The following MYH9 variants were observed in gnomAD, a reference collection of about 807,000 sequenced individuals.
The protein encoded by MYH9 is myosin-9.
Under a neutral mutation model 241.9 loss-of-function variants are expected in MYH9, and 29 were observed. The observed-to-expected ratio is 0.12, with a 90% confidence interval of 0.09 to 0.16. MYH9 has a LOEUF of 0.16. Among genes scored for constraint, MYH9 ranks in the 10% least tolerant of loss-of-function variants. The probability of loss-of-function intolerance (pLI) is 1.00; values close to 1 mark genes in which losing one functional copy is unlikely to be tolerated. For missense variants in MYH9, 1,803 were observed against 2,595.5 expected (o/e 0.69, Z 6.63); for synonymous variants, 1,047 against 1,062.6 (o/e 0.99, Z 0.29).
chr22:36,313,030 CA>C (rs1214321434), intron 13 of MYH9, among the ~76,000 whole-genome samples: 6 of 150,570 alleles, frequency 4.0e-5, no homozygotes, highest in African/African-American at 1.5e-4. Context: ...GCAAAGGTTG[CA>C]GTGAGCCGAG....
In MYH9 at chr22:36,295,621, C is replaced by T; in HGVS notation, c.3369G>A (p.Glu1123=). Residue 1123 remains glutamate (E), a synonymous_variant, in exon 26 of 41, where the codon GAG becomes GAA. Transcript: ENST00000216181. The surrounding 1 kb of genome is among the most constrained non-coding windows in gnomAD (Gnocchi z 4.1). The part of the protein sequence containing the change: ...ISELQEDLES[E]RASRNKAEKQ... ...TCTCAGCTTTATTCCTGGAAGCACG[C>T]TCAGACTCCAGGTCTTCCTGGAGTT... 6.2e-7 allele frequency: 1 copy of T among 1,614,022 alleles called. No homozygotes were observed. The highest frequency in any genetic ancestry group is 1.1e-5 in the South Asian group (1 of 91,072).
Position 36,285,880 on chromosome 22 carries a change from T to C in MYH9, c.5135A>G (p.Asn1712Ser), listed in dbSNP as rs985388904. The change falls in exon 36 of 41, where the codon AAC becomes AGC. Residue 1712 changes from asparagine to serine, a missense_variant. Coordinates refer to ENST00000216181, the MANE Select transcript of MYH9 (RefSeq NM_002473.6). The surrounding 1 kb of genome is among the most constrained non-coding windows in gnomAD (Gnocchi z 7.0). Reference sequence around the variant, plus strand: ...CTCAGCTCACCCTTTGCCGCTGCTGTTGGCGATCTCGTCAGCCAGCTCATC... The same window carrying C: ...CTCAGCTCACCCTTTGCCGCTGCTGCTGGCGATCTCGTCAGCCAGCTCATC... ...ERDELADEIA[N>S]SSGKGALALE... 3.1e-6 allele frequency: 5 copies of C among 1,612,732 alleles called. No homozygotes were observed. The African/African-American group carries it at 4.0e-5, about 13-fold the overall frequency.
At chr22:36,385,494 C>A (rs901504515) in intron 1 of MYH9, among the ~76,000 whole-genome samples, 4 of 152,156 alleles carry the variant, frequency 2.6e-5, no homozygotes, top group Non-Finnish European at 5.9e-5. Flanking sequence ...AAAAGGCAGG[C>A]TGTGATTAAC....
intron 3 of MYH9, among the ~76,000 whole-genome samples, chr22:36,332,636 T>A (rs1442560900): frequency 2.3e-5 from 2 of 85,598 alleles, no homozygotes. Flanking sequence ...TGGGTAGCCC[T>A]CCCCCTCCAG....
Position 36,294,251 on chromosome 22 carries a change from C to A in MYH9, c.3678G>T (p.Arg1226=), listed in dbSNP as rs1209281171. Residue 1226 remains arginine, a synonymous_variant, in exon 28 of 41, where the codon CGG becomes CGT. Coordinates refer to ENST00000216181, the MANE Select transcript of MYH9 (RefSeq NM_002473.6). ...EKAKQTLENE[R]GELANEVKVL... ...CCTTCACCTCGTTGGCCAGCTCCCC[C>A]CGCTCGTTCTCCAGAGTCTGCTTTG... The A allele has an allele frequency of 2.5e-6, 4 of 1,614,164 alleles. No individual in the cohort carries two copies. The highest frequency in any genetic ancestry group is 3.4e-6 in the Non-Finnish European group (4 of 1,180,044).
At chr22:36,332,661 T>TAAAAAAAA (rs67602880) in intron 3 of MYH9, among the ~76,000 whole-genome samples, 12 of 44,504 alleles carry the variant, frequency 2.7e-4, no homozygotes, top group African/African-American at 8.9e-4. Flanking sequence ...TCTGGATAAT[T>TAAAAAAAA]AAAAAAAAAA....
intron 15 of MYH9, among the ~76,000 whole-genome samples, chr22:36,307,908 G>A (rs1171102993): frequency 3.3e-5 from 5 of 151,646 alleles, no homozygotes; most frequent in Admixed American, 1.3e-4. Context: ...AAAAAAGGGA[G>A]TCATCTTTGA....
Position 36,320,659 on chromosome 22 carries a change from GA to G in MYH9, c.868+138del. On this transcript the variant is annotated intron_variant, in intron 8 of 40. Transcript: ENST00000216181. The surrounding 1 kb of genome is among the most constrained non-coding windows in gnomAD (Gnocchi z 4.8). ...GACCAAGTCCTTAGGATGGCGCAGA[GA>G]ACAGGAGTCACTCTCACTTCTCCCC... 1 of 777,668 alleles carries G rather than the reference GA, an allele frequency of 1.3e-6. No homozygotes were observed. Among genetic ancestry groups the G allele is most frequent in the Non-Finnish European group, 2.2e-6 (1 of 459,148 alleles). 48.2% of individuals were successfully genotyped at this position (777,668 alleles called of 1,614,324 possible). A position where few individuals can be genotyped will look rare whatever the true frequency, so the allele number is the denominator to read the frequency against.
At chr22:36,365,271 G>A (rs1174333334) in intron 1 of MYH9, among the ~76,000 whole-genome samples, 1 of 152,108 alleles carries the variant, frequency 6.6e-6, no homozygotes, top group Non-Finnish European at 1.5e-5. Context: ...CAGGAAGGTA[G>A]CTCATTTCCC....
In MYH9 at chr22:36,330,512, C is replaced by A. The variant is rs551129894; in HGVS notation, c.491-3024G>T. ...ATTGTTTTGCCATCTTTCCACACAG[C>A]GGTTCTTCTGGATTTGTTCCTGATC... On this transcript the variant is annotated intron_variant, in intron 3 of 40. Coordinates refer to ENST00000216181, the MANE Select transcript of MYH9 (RefSeq NM_002473.6). This position sits in a 1 kb window ranked among gnomAD's most constrained non-coding sequence, Gnocchi z 4.5. 1.2e-4 allele frequency among the ~76,000 whole-genome samples: 18 copies of A among 152,258 alleles called. No individual in the cohort carries two copies. Among genetic ancestry groups the A allele is most frequent in the Admixed American group, 6.5e-4 (10 of 15,284 alleles).
Position 36,294,887 on chromosome 22 carries a change from C to T in MYH9, c.3630+45G>A, listed in dbSNP as rs376877395. 402 of 1,604,668 alleles carry T rather than the reference C, an allele frequency of 2.5e-4. 2 individuals carry two copies. In the South Asian group the frequency reaches 3.1e-3, roughly 12 times the overall value. ...TGGTTTGGATTCTGTGGGCCCAGCA[C>T]GGGGAACCCTGCCCTCCCCCTGCGG... On this transcript the variant is annotated intron_variant, in intron 27 of 40. Transcript: ENST00000216181.
chr22:36,308,741 G>GAAGCATTTCTTGCAC, intron 15 of MYH9: 1 of 893,816 alleles, frequency 1.1e-6, no homozygotes, highest in Non-Finnish European at 1.3e-6. Flanking sequence ...AACCTAGGCA[G>GAAGCATTTCTTGCAC]AAGCATTTCT....
chr22:36,292,219 T>C lies in MYH9; in HGVS notation c.4111A>G (p.Lys1371Glu), dbSNP rs770377517. 1 of 1,613,948 alleles carries C rather than the reference T, an allele frequency of 6.2e-7. No individual in the cohort carries two copies. Among genetic ancestry groups the C allele is most frequent in the South Asian group, 1.1e-5 (1 of 91,084 alleles). The change falls in exon 31 of 41, where the codon AAG becomes GAG. Residue 1371 changes from lysine (K) to glutamate (E), a missense_variant. This residue lies in a region of MYH9 where 876 missense variants were observed against 1,077.8 expected (regional missense o/e 0.81). Transcript: ENST00000216181. ...TLHAQVADMK[K>E]KMEDSVGCLE... The stretch of plus-strand genomic sequence containing the variant: ...CACCCCACACTGTCCTCCATCTTCT[T>C]TTTCATGTCGGCCACCTGGGCAGGA...
intron 2 of MYH9, among the ~76,000 whole-genome samples, chr22:36,342,622 T>C (rs1291967398): frequency 6.6e-6 from 1 of 151,554 alleles, no homozygotes; most frequent in Non-Finnish European, 1.5e-5. Context: ...CAAGATCCCT[T>C]TCCCCCACCA....
At position 36,289,096 on chromosome 22, in the gene MYH9, C is replaced by T. The variant is rs727503284; in HGVS notation, c.4546G>A (p.Val1516Met). The change falls in exon 32 of 41, where the codon GTG becomes ATG. Residue 1516 changes from valine (V) to methionine (M), a missense_variant. Transcript: ENST00000216181. ...GGCCCAGGACTCACACTCTTGCCCA[C>T]ATCATCCTTGGAGCTCATAAGGTCC... ...MEDLMSSKDD[V>M]GKSVHELEKS... 6.2e-7 allele frequency: 1 copy of T among 1,614,116 alleles called. No homozygotes were observed. Among genetic ancestry groups the T allele is most frequent in the Non-Finnish European group, 8.5e-7 (1 of 1,180,034 alleles).
intron 11 of MYH9, among the ~76,000 whole-genome samples, 176 bp downstream of exon 11, chr22:36,318,031 G>A (rs1195648299): frequency 1.3e-5 from 2 of 152,248 alleles, no homozygotes; most frequent in Admixed American, 6.5e-5. Context: ...AGCTTCTCCA[G>A]TGCTCTAGAT....
Position 36,301,634 on chromosome 22 carries a change from T to A in MYH9, c.2531A>T (p.Glu844Val). Residue 844 changes from glutamate (E) to valine (V), a missense_variant, in exon 21 of 41, where the codon GAG becomes GTG. By Grantham distance (121) the Glu-to-Val change is moderately radical (BLOSUM62 -2). Around this residue, in one of 11 missense-constraint regions of MYH9, gnomAD observed 290 missense variants for 360.5 expected, o/e 0.80. Coordinates refer to ENST00000216181, the MANE Select transcript of MYH9 (RefSeq NM_002473.6). ...CTCCTCCTTGGCCATCATCTCCTCC[T>A]CCTGCCGGCTCACCTGCAGCAGCGG... ...VKPLLQVSRQ[E>V]EEMMAKEEEL... 1 of 1,613,816 alleles carries A rather than the reference T, an allele frequency of 6.2e-7. No homozygotes were observed. Among genetic ancestry groups the A allele is most frequent in the Non-Finnish European group, 8.5e-7 (1 of 1,180,000 alleles).
At chr22:36,341,998 G>C (rs2017598529) in intron 2 of MYH9, among the ~76,000 whole-genome samples, 1 of 152,242 alleles carries the variant, frequency 6.6e-6, no homozygotes, top group African/African-American at 2.4e-5. Flanking sequence ...CACCTTTCTA[G>C]CACTGGAAAA....
chr22:36,309,491 A>T (rs1299570027), intron 14 of MYH9, 95 bp from the exon 15 acceptor site: 11 of 903,454 alleles, frequency 1.2e-5, no homozygotes, highest in Non-Finnish European at 2.0e-5. Flanking sequence ...TGCATGGAAA[A>T]GTCAGAAAAC....
Sources: gnomAD v4.1 joint callset for allele counts (sites outside exome capture counted in the v4.1 genomes callset) on GRCh38, gnomAD v4.1.1 for gene constraint, gnomAD v4.1.1 regional missense constraint, Gnocchi (gnomAD v3.1) non-coding constraint, MANE v1.5 for transcripts, NCBI Gene and HGNC (gene_info 2026-07-23, HGNC 2026-07-21) for gene names.